MEGF6: variants seen among roughly 807,000 people sequenced by gnomAD.
MEGF6 encodes multiple epidermal growth factor-like domains protein 6.
Under a neutral mutation model 207.1 loss-of-function variants are expected in MEGF6, and 184 were observed. That is an observed-to-expected ratio of 0.89 (90% confidence interval 0.79 to 1.00). MEGF6 has a LOEUF of 1.00. Ranked by LOEUF, MEGF6 falls within the 50% of genes least tolerant of loss-of-function variation. MEGF6 has a pLI of 0.00. For synonymous variants in MEGF6, 1,038 were observed against 910.0 expected, an observed-to-expected ratio of 1.14 and a Z score of -2.53; for missense variants, 2,282 against 2,202.9, an observed-to-expected ratio of 1.04 and a Z score of -0.72.
upstream of MEGF6, chr1:3,611,630 C>G (rs1383128641): frequency 5.7e-6 from 1 of 174,384 alleles, no homozygotes; most frequent in Admixed American, 6.5e-5. Context: ...TTCCCCCTCC[C>G]CATCTCCTAC....
At chr1:3,514,059 C>T (rs905127290) in intron 7 of MEGF6, among the ~76,000 whole-genome samples, 1 of 151,878 alleles carries the variant, frequency 6.6e-6, no homozygotes. Flanking sequence ...GCATCCTGGC[C>T]AACATGGTGA....
At position 3,593,385 on chromosome 1, in the gene MEGF6, G is replaced by A. The variant is rs180738349; in HGVS notation, c.376+1953C>T. Among the ~76,000 whole-genome samples the A allele has an allele frequency of 1.2e-3, 178 of 152,178 alleles. 1 individual carries two copies. The highest frequency in any genetic ancestry group is 4.1e-3 in the African/African-American group (169 of 41,506). On this transcript the variant is annotated intron_variant, in intron 3 of 36. Coordinates refer to ENST00000356575, the MANE Select transcript of MEGF6 (RefSeq NM_001409.4). ...GGGACGGCATCGGGGGAACGCGGCT[G>A]CGCACACCTCTACCTGCAGTTGCCT...
Position 3,515,473 on chromosome 1 carries a change from AGCTGGACACAGTGGT to A in MEGF6, c.644_658del (p.His215_Gln219del). 1 of 1,612,748 alleles carries A rather than the reference AGCTGGACACAGTGGT, an allele frequency of 6.2e-7. No individual in the cohort carries two copies. The highest frequency in any genetic ancestry group is 8.5e-7 in the Non-Finnish European group (1 of 1,179,938). ...CTGGCAGCGATGCCGAGTGATTGTGAGCTGGACACAGTGGTGCTGGCAGCCGCCATTGCCCAGGGC... is the reference window on the plus strand; with the variant it reads ...CTGGCAGCGATGCCGAGTGATTGTGAGCTGGCAGCCGCCATTGCCCAGGGC... On this transcript the variant is annotated inframe_deletion, in exon 6 of 37. Transcript: ENST00000356575.
chr1:3,528,341 G>A (rs1642035161), intron 4 of MEGF6, among the ~76,000 whole-genome samples: 1 of 152,218 alleles, frequency 6.6e-6, no homozygotes, highest in African/African-American at 2.4e-5. Flanking sequence ...TGGCAGGGCT[G>A]AGCTATTCCC....
intron 4 of MEGF6, among the ~76,000 whole-genome samples, chr1:3,574,704 G>A (rs1294105099): frequency 2.0e-5 from 3 of 152,110 alleles, no homozygotes; most frequent in Non-Finnish European, 4.4e-5. Flanking sequence ...GTCCAGTGGC[G>A]CAATCTTGGC....
At chr1:3,593,254 G>A (rs1017576319) in intron 3 of MEGF6, among the ~76,000 whole-genome samples, 5 of 152,070 alleles carry the variant, frequency 3.3e-5, no homozygotes, top group Non-Finnish European at 5.9e-5. Flanking sequence ...CTCGGGGGAC[G>A]ACCCAGCAGC....
chr1:3,501,533 G>T (rs1640866716), intron 18 of MEGF6, among the ~76,000 whole-genome samples: 1 of 152,092 alleles, frequency 6.6e-6, no homozygotes, highest in East Asian at 1.9e-4. Flanking sequence ...CGTTCAGCTG[G>T]CAACACAAGG....
At chr1:3,497,507 G>GC in intron 26 of MEGF6, 146 bp from the exon 27 acceptor site, 4 of 1,130,032 alleles carry the variant, frequency 3.5e-6, no homozygotes, top group Non-Finnish European at 4.9e-6. Flanking sequence ...CACACCTGGA[G>GC]CCCCCCGCCA....
intron 3 of MEGF6, among the ~76,000 whole-genome samples, chr1:3,587,375 C>A (rs1169836590): frequency 1.3e-5 from 2 of 152,262 alleles, no homozygotes; most frequent in Non-Finnish European, 2.9e-5. Context: ...TGCTTTTTGT[C>A]TTTGTTTGTC....
intron 4 of MEGF6, among the ~76,000 whole-genome samples, chr1:3,527,396 G>A (rs1642002954): frequency 6.6e-6 from 1 of 152,214 alleles, no homozygotes; most frequent in East Asian, 1.9e-4. Context: ...CAGGAGGCCA[G>A]GGTCTCTGCC....
At chr1:3,596,091 G>A (rs1172479703) in intron 2 of MEGF6, among the ~76,000 whole-genome samples, 1 of 152,134 alleles carries the variant, frequency 6.6e-6, no homozygotes, top group African/African-American at 2.4e-5. Flanking sequence ...GGGAGCAGCA[G>A]GAGGACCTGT....
Position 3,494,518 on chromosome 1 carries a change from G to T in MEGF6, c.4001-19C>A. 6.3e-7 allele frequency: 1 copy of T among 1,583,442 alleles called. No individual in the cohort carries two copies. On this transcript the variant is annotated intron_variant, in intron 31 of 36. Coordinates refer to ENST00000356575, the MANE Select transcript of MEGF6 (RefSeq NM_001409.4). ...GGACAGGCTGGGGACAGGGCAGGGTGGGCAGTCCTTCGGCACCAGCCTTGC... is the reference window on the plus strand; with the variant it reads ...GGACAGGCTGGGGACAGGGCAGGGTTGGCAGTCCTTCGGCACCAGCCTTGC...
At chr1:3,537,889 T>G (rs1242475944) in intron 4 of MEGF6, among the ~76,000 whole-genome samples, 6 of 151,898 alleles carry the variant, frequency 4.0e-5, no homozygotes, top group African/African-American at 1.4e-4. Context: ...TGGAGATGGG[T>G]GGCCTGGGAG....
chr1:3,558,678 C>T (rs1643104806), intron 4 of MEGF6, among the ~76,000 whole-genome samples: 1 of 152,150 alleles, frequency 6.6e-6, no homozygotes, highest in Admixed American at 6.6e-5. Context: ...GATAAAAATC[C>T]CTTCCTTTCT....
At chr1:3,609,964 T>C (rs981733855) in intron 1 of MEGF6, among the ~76,000 whole-genome samples, 4 of 152,236 alleles carry the variant, frequency 2.6e-5, no homozygotes, top group Admixed American at 2.0e-4. Flanking sequence ...TGGCTGGTCC[T>C]GGGAGGAGGT....
chr1:3,617,754 G>A, the MEGF6 span, among the ~76,000 whole-genome samples: 7 of 152,358 alleles, frequency 4.6e-5, no homozygotes, highest in South Asian at 8.3e-4. Context: ...GTAAATCCTC[G>A]GACAGGCGTC....
chr1:3,621,042 G>A, the MEGF6 span, among the ~76,000 whole-genome samples: 1 of 152,262 alleles, frequency 6.6e-6, no homozygotes, highest in Non-Finnish European at 1.5e-5. Context: ...AAAAGGCAGA[G>A]CCAGGTGTAC....
At chr1:3,615,272 C>G (rs188448307), upstream of MEGF6, among the ~76,000 whole-genome samples, 2,759 of 152,304 alleles carry the variant, frequency 0.018, 49 homozygotes, top group South Asian at 0.063. Flanking sequence ...TTCTGACCCC[C>G]CAAGGAGGCA....
chr1:3,523,105 T>C (rs1641824543), intron 5 of MEGF6, among the ~76,000 whole-genome samples: 1 of 151,384 alleles, frequency 6.6e-6, no homozygotes, highest in Non-Finnish European at 1.5e-5. Flanking sequence ...GGCGAGCTGC[T>C]CTGCCACATC....
Sources: allele counts gnomAD v4.1 joint callset (sites outside exome capture counted in the v4.1 genomes callset), GRCh38; gene constraint gnomAD v4.1.1; transcripts MANE v1.5; gene names NCBI Gene and HGNC (gene_info 2026-07-23, HGNC 2026-07-21).